NEK11: variants seen among roughly 807,000 people sequenced by gnomAD.
The protein encoded by NEK11 is serine/threonine-protein kinase Nek11.
Under a neutral mutation model 80.7 loss-of-function variants are expected in NEK11, and 72 were observed. The ratio of observed to expected loss-of-function variants is 0.89; its 90% confidence interval spans 0.74 to 1.08. The LOEUF is 1.08. Among genes scored for constraint, NEK11 ranks in the 50% least tolerant of loss-of-function variants. NEK11 has a pLI of 0.00. For missense variants in NEK11, 764 were observed against 763.6 expected (o/e 1.00, Z -0.01); for synonymous variants, 251 against 260.7 (o/e 0.96, Z 0.36).
intron 17 of NEK11, among the ~76,000 whole-genome samples, chr3:131,295,556 T>C (rs1387264998): frequency 6.6e-6 from 1 of 152,240 alleles, no homozygotes; most frequent in Non-Finnish European, 1.5e-5. Context: ...TGTAATTTTT[T>C]TGCATTAAAC....
intron 16 of NEK11, among the ~76,000 whole-genome samples, chr3:131,246,301 A>G (rs2095601811): frequency 6.6e-6 from 1 of 152,046 alleles, no homozygotes; most frequent in African/African-American, 2.4e-5. Flanking sequence ...TATCATTCTT[A>G]TGCCTTTGTG....
intron 7 of NEK11, among the ~76,000 whole-genome samples, chr3:131,147,733 A>C (rs888220013): frequency 6.6e-6 from 1 of 152,028 alleles, no homozygotes; most frequent in Non-Finnish European, 1.5e-5. Flanking sequence ...TCCCTCGTTA[A>C]TTCTAACAGT....
At chr3:131,334,103 C>G (rs1032974098) in intron 17 of NEK11, among the ~76,000 whole-genome samples, 41 of 152,338 alleles carry the variant, frequency 2.7e-4, no homozygotes, top group African/African-American at 8.2e-4. Flanking sequence ...GAACTCAGCT[C>G]TGCACCAAGT....
chr3:131,134,023 G>T (rs2085056590), intron 7 of NEK11, 67 bp downstream of exon 7: 2 of 1,402,450 alleles, frequency 1.4e-6, no homozygotes, highest in Admixed American at 2.2e-5. Flanking sequence ...TTGTCTTTCA[G>T]CTCATTTACT....
At chr3:131,037,183 C>T (rs577226644) in intron 3 of NEK11, among the ~76,000 whole-genome samples, 17 of 151,610 alleles carry the variant, frequency 1.1e-4, no homozygotes, top group Admixed American at 5.3e-4. Context: ...ATGCAAGCTT[C>T]GGTCACTGAG....
chr3:131,314,158 G>A (rs1406040843), intron 17 of NEK11, among the ~76,000 whole-genome samples: 2 of 128,620 alleles, frequency 1.6e-5, no homozygotes, highest in Non-Finnish European at 3.1e-5. Context: ...TGTGTGTCTT[G>A]CATTAAGGAA....
chr3:131,299,535 A>G (rs147602215), intron 17 of NEK11, among the ~76,000 whole-genome samples: 2 of 151,792 alleles, frequency 1.3e-5, no homozygotes, highest in African/African-American at 4.8e-5. Context: ...CCCACCATCT[A>G]CCTCTCAGCA....
At chr3:131,324,814 G>A (rs1246299525) in intron 17 of NEK11, among the ~76,000 whole-genome samples, 2 of 152,110 alleles carry the variant, frequency 1.3e-5, no homozygotes, top group South Asian at 2.1e-4. Flanking sequence ...TTCCCCCTCT[G>A]AGCATTGGTT....
intron 16 of NEK11, among the ~76,000 whole-genome samples, chr3:131,250,134 G>T (rs955548303): frequency 6.6e-6 from 1 of 151,874 alleles, no homozygotes; most frequent in African/African-American, 2.4e-5. Context: ...TAAAAATTCA[G>T]TAGAAGGTTT....
intron 14 of NEK11, among the ~76,000 whole-genome samples, chr3:131,217,437 C>A (rs910117818): frequency 1.3e-5 from 2 of 152,098 alleles, no homozygotes; most frequent in Non-Finnish European, 2.9e-5. Flanking sequence ...TGACCTCTGC[C>A]TGGGAAGTGT....
intron 17 of NEK11, among the ~76,000 whole-genome samples, chr3:131,346,545 A>G (rs1255560807): frequency 6.6e-6 from 1 of 152,114 alleles, no homozygotes; most frequent in Non-Finnish European, 1.5e-5. Flanking sequence ...TAGGTATACG[A>G]CTGAGTTTAA....
At chr3:131,208,153 G>A (rs1484947087) in intron 14 of NEK11, among the ~76,000 whole-genome samples, 1 of 152,166 alleles carries the variant, frequency 6.6e-6, no homozygotes, top group Non-Finnish European at 1.5e-5. Context: ...CAAGGTGTAA[G>A]GAAGGGATCC....
chr3:131,257,724 G>A (rs2095841943), intron 16 of NEK11, among the ~76,000 whole-genome samples: 1 of 152,156 alleles, frequency 6.6e-6, no homozygotes, highest in African/African-American at 2.4e-5. Flanking sequence ...CATCCTGGTG[G>A]TAATGTAAAC....
intron 3 of NEK11, among the ~76,000 whole-genome samples, chr3:131,038,423 T>C (rs2065965704): frequency 6.6e-6 from 1 of 152,206 alleles, no homozygotes; most frequent in African/African-American, 2.4e-5. Context: ...ATAAATGACT[T>C]TCCTAAGGCC....
At chr3:131,198,580 G>C (rs948285450) in intron 14 of NEK11, among the ~76,000 whole-genome samples, 1 of 152,256 alleles carries the variant, frequency 6.6e-6, no homozygotes, top group African/African-American at 2.4e-5. Context: ...TACTAAGACT[G>C]CTACTGTCGC....
chr3:131,186,068 A>G (rs1404065373), intron 14 of NEK11, among the ~76,000 whole-genome samples: 1 of 152,172 alleles, frequency 6.6e-6, no homozygotes, highest in Non-Finnish European at 1.5e-5. Context: ...AGTACACAGC[A>G]ATTTTTTACT....
At chr3:131,182,236 A>G (rs1419899782) in intron 14 of NEK11, among the ~76,000 whole-genome samples, 1 of 152,178 alleles carries the variant, frequency 6.6e-6, no homozygotes, top group Non-Finnish European at 1.5e-5. Flanking sequence ...AACATTTTCA[A>G]CTGACTTCTC....
intron 5 of NEK11, among the ~76,000 whole-genome samples, chr3:131,115,764 C>T (rs1437519621): frequency 6.6e-6 from 1 of 152,040 alleles, no homozygotes; most frequent in African/African-American, 2.4e-5. Context: ...GATTTTGGTG[C>T]TTTCCAAGTA....
At chr3:131,100,770 A>T (rs189960728) in intron 4 of NEK11, among the ~76,000 whole-genome samples, 2 of 152,134 alleles carry the variant, frequency 1.3e-5, no homozygotes, top group African/African-American at 4.8e-5. Flanking sequence ...TGAATTAGGG[A>T]GGAGCCCCTC....
Sources: allele counts gnomAD v4.1 joint callset (sites outside exome capture counted in the v4.1 genomes callset), GRCh38; gene constraint gnomAD v4.1.1; transcripts MANE v1.5; gene names NCBI Gene and HGNC (gene_info 2026-07-23, HGNC 2026-07-21).